MKLN1: variants seen among roughly 807,000 people sequenced by gnomAD.
MKLN1 encodes the protein muskelin.
MKLN1 carries 18 observed loss-of-function variants against 99.0 expected under a neutral mutation model. That is an observed-to-expected ratio of 0.18 (90% CI 0.13 to 0.27). The LOEUF (loss-of-function observed/expected upper bound fraction) is 0.27. Ranked by LOEUF, MKLN1 falls within the 10% of genes least tolerant of loss-of-function variation. MKLN1 has a pLI of 1.00. For missense variants in MKLN1, 621 were observed against 875.9 expected, an observed-to-expected ratio of 0.71 and a Z score of 3.67; for synonymous variants, 288 against 293.2, an observed-to-expected ratio of 0.98 and a Z score of 0.18.
intron 2 of MKLN1, among the ~76,000 whole-genome samples, chr7:131,168,269 G>T (rs1180845463): frequency 1.3e-5 from 2 of 152,032 alleles, no homozygotes; most frequent in East Asian, 1.9e-4. Flanking sequence ...TGGCCCTACA[G>T]CTCATTAGCC....
At chr7:131,159,452 G>A (rs1305271716) in intron 2 of MKLN1, among the ~76,000 whole-genome samples, 1 of 152,134 alleles carries the variant, frequency 6.6e-6, no homozygotes, top group Non-Finnish European at 1.5e-5. Context: ...TTTGTTAAGT[G>A]AAATAAGCCA....
At chr7:131,332,145 A>G (rs1488349987) in intron 1 of MKLN1, among the ~76,000 whole-genome samples, 1 of 151,892 alleles carries the variant, frequency 6.6e-6, no homozygotes, top group African/African-American at 2.4e-5. Context: ...ACATTTAAAA[A>G]TGAATATAGG....
chr7:131,451,921 T>TA (rs1796191422), intron 12 of MKLN1, among the ~76,000 whole-genome samples: 1 of 152,208 alleles, frequency 6.6e-6, no homozygotes. Flanking sequence ...CTTTCTCCTG[T>TA]TCGTATTCAT....
intron 8 of MKLN1, among the ~76,000 whole-genome samples, chr7:131,423,456 C>G (rs1291766208): frequency 6.6e-6 from 1 of 152,162 alleles, no homozygotes; most frequent in Non-Finnish European, 1.5e-5. Context: ...CCTCAGCCTC[C>G]TGAGTAGCTG....
intron 8 of MKLN1, among the ~76,000 whole-genome samples, chr7:131,428,448 T>C (rs1795423885): frequency 6.6e-6 from 1 of 152,184 alleles, no homozygotes; most frequent in Non-Finnish European, 1.5e-5. Context: ...TCTTAAGATA[T>C]CTAATTTTAA....
intron 3 of MKLN1, among the ~76,000 whole-genome samples, chr7:131,302,761 G>A: frequency 6.6e-6 from 1 of 152,162 alleles, no homozygotes; most frequent in East Asian, 1.9e-4. Context: ...AATTCTGAAA[G>A]GGTGAAGGCC....
chr7:131,437,862 C>A lies in MKLN1; in HGVS notation c.1038C>A (p.Tyr346Ter). ...GGCAAATCTACACATTGGGGCGTTA[C>A]TTGGATTCCTCTGTGAGGAACAGCA... ...QRRQIYTLGR[Y>*]LDSSVRNSKS... Residue 346 changes from tyrosine to a stop codon, truncating the protein, a stop_gained, in exon 10 of 18, where the codon TAC becomes TAA. Transcript: ENST00000352689. LOFTEE classifies it high-confidence loss of function. The A allele has an allele frequency of 6.2e-7, 1 of 1,613,852 alleles. No homozygotes were observed. The highest frequency in any genetic ancestry group is 2.2e-5 in the East Asian group (1 of 44,862).
chr7:131,486,182 C>G (rs933759853), intron 17 of MKLN1, among the ~76,000 whole-genome samples: 1 of 150,376 alleles, frequency 6.6e-6, no homozygotes, highest in Non-Finnish European at 1.5e-5. Context: ...GTGTTCATTG[C>G]ACAATTCTTG....
chr7:131,145,902 A>G (rs1267124414), intron 2 of MKLN1, among the ~76,000 whole-genome samples: 2 of 152,252 alleles, frequency 1.3e-5, no homozygotes, highest in Non-Finnish European at 2.9e-5. Context: ...TTCACTGGGT[A>G]CATTTGTGAC....
intron 2 of MKLN1, among the ~76,000 whole-genome samples, chr7:131,150,527 T>C (rs1357277391): frequency 6.6e-6 from 1 of 151,966 alleles, no homozygotes; most frequent in Non-Finnish European, 1.5e-5. Flanking sequence ...AAAATAGCTA[T>C]TTCACAAAGT....
chr7:131,390,423 G>C (rs1363984077), intron 4 of MKLN1, among the ~76,000 whole-genome samples: 1 of 152,024 alleles, frequency 6.6e-6, no homozygotes, highest in Non-Finnish European at 1.5e-5. Flanking sequence ...ATGATTTTAT[G>C]TTGCAAGTAT....
intron 2 of MKLN1, among the ~76,000 whole-genome samples, chr7:131,147,703 C>A (rs111905462): frequency 6.6e-6 from 1 of 152,102 alleles, no homozygotes; most frequent in African/African-American, 2.4e-5. Flanking sequence ...GGATTTCCAC[C>A]CACACAGTCT....
At chr7:131,467,608 A>G (rs1205340259) in intron 15 of MKLN1, among the ~76,000 whole-genome samples, 1 of 152,088 alleles carries the variant, frequency 6.6e-6, no homozygotes, top group African/African-American at 2.4e-5. Flanking sequence ...TTGAGAAGTG[A>G]ATTGAGAAGA....
chr7:131,411,426 C>T, intron 7 of MKLN1, 43 bp downstream of exon 7: 4 of 1,295,166 alleles, frequency 3.1e-6, no homozygotes, highest in Non-Finnish European at 4.5e-6. Context: ...TCATTAATGT[C>T]TCAGTCTTCA....
chr7:131,235,935 C>T (rs987226479), intron 3 of MKLN1, among the ~76,000 whole-genome samples: 2 of 152,188 alleles, frequency 1.3e-5, no homozygotes, highest in Non-Finnish European at 2.9e-5. Context: ...GCATCATCCA[C>T]AGGAAATGCA....
chr7:131,332,400 A>G (rs1180381050), intron 1 of MKLN1, among the ~76,000 whole-genome samples: 1 of 148,460 alleles, frequency 6.7e-6, no homozygotes, highest in African/African-American at 2.4e-5. Flanking sequence ...AAAGAAAAAG[A>G]CAGCATCTCG....
chr7:131,217,298 T>C (rs1796996838), intron 3 of MKLN1, among the ~76,000 whole-genome samples: 1 of 152,260 alleles, frequency 6.6e-6, no homozygotes, highest in African/African-American at 2.4e-5. Context: ...GTTCCTACTA[T>C]GTGCTTACAC....
intron 12 of MKLN1, among the ~76,000 whole-genome samples, chr7:131,454,621 C>T (rs1796281137): frequency 6.6e-6 from 1 of 152,142 alleles, no homozygotes; most frequent in Admixed American, 6.5e-5. Context: ...AGTTGCCTAA[C>T]CCCAGGGCAT....
chr7:131,263,575 C>CTTT (rs71174935), intron 3 of MKLN1, among the ~76,000 whole-genome samples: 6 of 142,612 alleles, frequency 4.2e-5, no homozygotes, highest in Admixed American at 1.4e-4. Flanking sequence ...GATGATTGCA[C>CTTT]TTTTTTTTTT....
Sources: allele counts gnomAD v4.1 joint callset (sites outside exome capture counted in the v4.1 genomes callset), GRCh38; gene constraint gnomAD v4.1.1; transcripts MANE v1.5; gene names NCBI Gene and HGNC (gene_info 2026-07-23, HGNC 2026-07-21).